EPHX1: variants seen among roughly 807,000 people sequenced by gnomAD.
EPHX1 encodes epoxide hydrolase 1, also known as epoxide hydratase.
EPHX1 carries 40 observed loss-of-function variants against 43.2 expected under a neutral mutation model. That is an observed-to-expected ratio of 0.93 (90% CI 0.72 to 1.21). The LOEUF (loss-of-function observed/expected upper bound fraction) is 1.21, where lower values mean the gene tolerates loss of function less well. Among genes scored for constraint, EPHX1 ranks in the 50% most tolerant of loss-of-function variants. The pLI, the probability that EPHX1 is intolerant of heterozygous loss-of-function variation, is 0.00. For synonymous variants in EPHX1, 221 were observed against 226.7 expected, an observed-to-expected ratio of 0.98 and a Z score of 0.22; for missense variants, 550 against 570.4, an observed-to-expected ratio of 0.96 and a Z score of 0.36.
chr1:225,826,840 A>G (rs1559018962), intron 1 of EPHX1, among the ~76,000 whole-genome samples: 1 of 152,150 alleles, frequency 6.6e-6, no homozygotes, highest in East Asian at 1.9e-4. Flanking sequence ...ATCTGATGGC[A>G]TGAGGACTTG....
intron 6 of EPHX1, 45 bp downstream of exon 6, chr1:225,840,082 G>T: frequency 6.2e-7 from 1 of 1,601,318 alleles, no homozygotes; most frequent in Non-Finnish European, 8.5e-7. Context: ...CTCCACTGGG[G>T]CAGGGAGACA....
chr1:225,845,042 G>A, intron 8 of EPHX1, 104 bp from the exon 9 acceptor site: 1 of 1,222,204 alleles, frequency 8.2e-7, no homozygotes, highest in Non-Finnish European at 1.2e-6. Flanking sequence ...CTCCTTGTGG[G>A]TGGGCCAGCT....
At chr1:225,845,022 T>G in intron 8 of EPHX1, 124 bp from the exon 9 acceptor site, 1 of 1,082,018 alleles carries the variant, frequency 9.2e-7, no homozygotes, top group Non-Finnish European at 1.4e-6. Context: ...ATTTGTCCTT[T>G]TCTTTATGGC....
At chr1:225,821,141 AACTTG>A (rs1666962450) in intron 1 of EPHX1, among the ~76,000 whole-genome samples, 1 of 152,352 alleles carries the variant, frequency 6.6e-6, no homozygotes, top group Middle Eastern at 3.4e-3. Flanking sequence ...TATGTTTTAA[AACTTG>A]ACTTAGTGAC....
intron 1 of EPHX1, among the ~76,000 whole-genome samples, chr1:225,821,168 G>A (rs1314751728): frequency 6.6e-6 from 1 of 152,036 alleles, no homozygotes; most frequent in Non-Finnish European, 1.5e-5. Context: ...TCACTTAAGA[G>A]AATTTTTAAA....
chr1:225,845,438 T>G lies in EPHX1; in HGVS notation c.*91T>G. On this transcript the variant is annotated 3_prime_UTR_variant, in exon 9 of 9. Coordinates refer to ENST00000272167, the MANE Select transcript of EPHX1 (RefSeq NM_001136018.4). ...ATACCCCTTTTCTGAGGAATGAGTTTGCCTCCGTCCCCTGCCCATGCTGGG... is the reference window on the plus strand; with the variant it reads ...ATACCCCTTTTCTGAGGAATGAGTTGGCCTCCGTCCCCTGCCCATGCTGGG... 1.4e-6 allele frequency: 2 copies of G among 1,394,768 alleles called. No homozygotes were observed. The highest frequency in any genetic ancestry group is 9.7e-7 in the Non-Finnish European group (1 of 1,026,946). The allele number at this position is 1,394,768 out of a possible 1,614,324, so 86.4% of individuals were successfully genotyped here.
chr1:225,811,751 G>C (rs372753717), intron 1 of EPHX1, among the ~76,000 whole-genome samples: 1 of 152,152 alleles, frequency 6.6e-6, no homozygotes, highest in African/African-American at 2.4e-5. Flanking sequence ...AAAACTCTGC[G>C]AGTGCTCTCC....
intron 1 of EPHX1, 113 bp from the exon 2 acceptor site, chr1:225,828,612 C>T: frequency 1.2e-6 from 1 of 853,928 alleles, no homozygotes; most frequent in South Asian, 1.6e-5. Flanking sequence ...TAAATAAAAT[C>T]AGGGACAGGG....
intron 1 of EPHX1, among the ~76,000 whole-genome samples, chr1:225,827,725 C>T (rs1272059837): frequency 6.6e-6 from 1 of 152,196 alleles, no homozygotes; most frequent in South Asian, 2.1e-4. Context: ...GTGGCTATGG[C>T]TGCACATGTC....
At position 225,839,988 on chromosome 1, in the gene EPHX1, G is replaced by A. The variant is rs765917559; in HGVS notation, c.882G>A (p.Met294Ile). ...AGGAGAAGGTATTCTACAGCCTGAT[G>A]AGGGAGAGCGGCTACATGCACATCC... ...PVKEKVFYSL[M>I]RESGYMHIQC... Residue 294 changes from methionine (M) to isoleucine (I), a missense_variant, in exon 6 of 9, where the codon ATG becomes ATA. Physicochemically the swap from Met to Ile is conservative, Grantham distance 10. Transcript: ENST00000272167. The A allele has an allele frequency of 2.5e-6, 4 of 1,614,104 alleles. No homozygotes were observed. The African/African-American group carries it at 4.0e-5, about 16-fold the overall frequency.
intron 3 of EPHX1, among the ~76,000 whole-genome samples, chr1:225,836,824 G>GT: frequency 6.6e-6 from 1 of 152,344 alleles, no homozygotes; most frequent in South Asian, 2.1e-4. Flanking sequence ...GCTGTGTAAA[G>GT]TTTGAGTCCT....
intron 1 of EPHX1, among the ~76,000 whole-genome samples, chr1:225,827,671 G>T (rs528719858): frequency 6.6e-6 from 1 of 152,320 alleles, no homozygotes; most frequent in Non-Finnish European, 1.5e-5. Context: ...CAGCTGAAGG[G>T]TATGGAGTTT....
chr1:225,826,500 T>G (rs991457880), intron 1 of EPHX1, among the ~76,000 whole-genome samples: 1 of 145,880 alleles, frequency 6.9e-6, no homozygotes, highest in African/African-American at 2.5e-5. Flanking sequence ...TGGCTGGAGA[T>G]GGAACATGCA....
chr1:225,839,518 G>A (rs1372061653), intron 5 of EPHX1, among the ~76,000 whole-genome samples, 172 bp downstream of exon 5: 1 of 152,074 alleles, frequency 6.6e-6, no homozygotes, highest in Non-Finnish European at 1.5e-5. Flanking sequence ...CCTCCTGTCT[G>A]TAACCCAGGG....
rs1168157259 is a variant in EPHX1 at position 225,838,728 on chromosome 1, G to C, written c.439G>C (p.Val147Leu). Residue 147 changes from valine (V) to leucine (L), a missense_variant, in exon 4 of 9, where the codon GTG becomes CTG. Transcript: ENST00000272167. ...AGHTPKPLLM[V>L]HGWPGSFYEF... ...CCATACCCCGAAGCCCTTGCTGATG[G>C]TGCACGGCTGGCCCGGCTCTTTCTA... The C allele has an allele frequency of 5.6e-6, 9 of 1,614,162 alleles. No homozygotes were observed. The highest frequency in any genetic ancestry group is 7.6e-6 in the Non-Finnish European group (9 of 1,180,028).
chr1:225,832,530 A>G (rs947620004), intron 3 of EPHX1, among the ~76,000 whole-genome samples: 1 of 152,220 alleles, frequency 6.6e-6, no homozygotes, highest in African/African-American at 2.4e-5. Flanking sequence ...TCAAAGAAAG[A>G]AAAGACTCTG....
intron 3 of EPHX1, among the ~76,000 whole-genome samples, chr1:225,838,344 A>G (rs899868282): frequency 6.6e-6 from 1 of 152,174 alleles, no homozygotes; most frequent in Non-Finnish European, 1.5e-5. Flanking sequence ...AGCTGTCCTG[A>G]GCCCTGGAAA....
chr1:225,845,191 G>T lies in EPHX1; in HGVS notation c.1212G>T (p.Glu404Asp), dbSNP rs1559028484. Reference sequence around the variant, plus strand: ...CTGGCTTCTCTGCCTTCCCTTTTGAGCTATTGCACACGCCTGAAAAGTGGG... The same window carrying T: ...CTGGCTTCTCTGCCTTCCCTTTTGATCTATTGCACACGCCTGAAAAGTGGG... ...VPTGFSAFPFELLHTPEKWVR... is the reference protein window; with the variant it reads ...VPTGFSAFPFDLLHTPEKWVR... The change falls in exon 9 of 9, where the codon GAG becomes GAT. Residue 404 changes from glutamate to aspartate, a missense_variant. By Grantham distance (45) the Glu-to-Asp change is conservative. Transcript: ENST00000272167. 1.2e-6 allele frequency: 2 copies of T among 1,614,114 alleles called. No homozygotes were observed. The highest frequency in any genetic ancestry group is 1.7e-6 in the Non-Finnish European group (2 of 1,180,010).
rs749831607 is a variant in EPHX1, at chr1:225,839,297, G to C, written c.673G>C (p.Gly225Arg). 3 of 1,614,114 alleles carry C rather than the reference G, an allele frequency of 1.9e-6. No homozygotes were observed. The highest frequency in any genetic ancestry group is 2.5e-6 in the Non-Finnish European group (3 of 1,180,018). Residue 225 changes from glycine (G) to arginine (R), a missense_variant, in exon 5 of 9, where the codon GGG (glycine) becomes CGG (arginine). Physicochemically the swap from Gly to Arg is moderately radical, Grantham distance 125. Transcript: ENST00000272167. Reference protein sequence around the residue: ...LGFQEFYIQGGDWGSLICTNM... With the variant: ...LGFQEFYIQGRDWGSLICTNM... ...CTTCCAGGAATTCTACATTCAAGGAGGGGACTGGGGGTCCCTGATCTGCAC... is the reference window on the plus strand; with the variant it reads ...CTTCCAGGAATTCTACATTCAAGGACGGGACTGGGGGTCCCTGATCTGCAC...
Sources: allele counts gnomAD v4.1 joint callset (sites outside exome capture counted in the v4.1 genomes callset), GRCh38; gene constraint gnomAD v4.1.1; transcripts MANE v1.5; gene names NCBI Gene and HGNC (gene_info 2026-07-23, HGNC 2026-07-21).